The following CDH12 variants were observed in gnomAD, a reference collection of about 807,000 sequenced individuals.
CDH12 encodes cadherin 12, also known as cadherin-12.
A neutral mutation model predicts 74.1 loss-of-function variants in CDH12; 41 were observed. That is an observed-to-expected ratio of 0.55 (90% CI 0.43 to 0.72). The LOEUF (loss-of-function observed/expected upper bound fraction) is 0.72, where lower values mean the gene tolerates loss of function less well. Among genes scored for constraint, CDH12 ranks in the 30% least tolerant of loss-of-function variants. The pLI is 0.00. For missense variants in CDH12, 945 were observed against 977.2 expected (o/e 0.97, Z 0.44); for synonymous variants, 399 against 355.0 (o/e 1.12, Z -1.39).
chr5:22,734,813 A>G (rs539024451), intron 1 of CDH12, among the ~76,000 whole-genome samples: 67 of 152,080 alleles, frequency 4.4e-4, no homozygotes, highest in Middle Eastern at 3.4e-3. Flanking sequence ...CCTAAAATAT[A>G]AAATGGAAAT....
At chr5:22,518,390 C>G (rs1251832103) in intron 1 of CDH12, among the ~76,000 whole-genome samples, 1 of 152,158 alleles carries the variant, frequency 6.6e-6, no homozygotes, top group Admixed American at 6.5e-5. Flanking sequence ...TTCTCTAATG[C>G]CATTTATATA....
Position 22,423,206 on chromosome 5 carries a change from T to TAAA in CDH12, c.-427-17858_-427-17856dup, listed in dbSNP as rs58915238. Among the ~76,000 whole-genome samples the TAAA allele has an allele frequency of 3.3e-3, 396 of 121,410 alleles. 3 individuals are homozygous for TAAA. The highest frequency in any genetic ancestry group is 0.011 in the Middle Eastern group (2 of 176). 79.6% of individuals were successfully genotyped at this position (121,410 alleles called of 152,430 possible). A position where few individuals can be genotyped will look rare whatever the true frequency, so the allele number is the denominator to read the frequency against. Reference sequence around the variant, plus strand: ...ATCATCAGTACAAATGTAAACACAGTAAAAAAAAAAAAAAAAAGCAAATAA... The same window carrying TAAA: ...ATCATCAGTACAAATGTAAACACAGTAAAAAAAAAAAAAAAAAAAAGCAAATAA... On this transcript the variant is annotated intron_variant, in intron 2 of 14. Transcript: ENST00000382254.
At chr5:22,009,939 C>CAAAAAAAAAAA (rs774589642) in intron 5 of CDH12, among the ~76,000 whole-genome samples, 30 of 54,270 alleles carry the variant, frequency 5.5e-4, no homozygotes, top group African/African-American at 7.3e-4. Context: ...GAAACTGTCT[C>CAAAAAAAAAAA]AAAAAAAAAA....
intron 8 of CDH12, among the ~76,000 whole-genome samples, chr5:21,832,918 TAA>T (rs1330814311): frequency 3.5e-5 from 2 of 57,078 alleles, no homozygotes; most frequent in African/African-American, 3.8e-4. Context: ...GATATAATAT[TAA>T]TATATATCAT....
intron 5 of CDH12, among the ~76,000 whole-genome samples, chr5:22,029,283 G>A (rs1326062337): frequency 6.6e-6 from 1 of 152,198 alleles, no homozygotes; most frequent in South Asian, 2.1e-4. Context: ...AAACTAAAGA[G>A]CGTCTGCACA....
intron 5 of CDH12, among the ~76,000 whole-genome samples, chr5:22,059,299 T>TATC (rs1404621456): frequency 1.7e-3 from 243 of 142,924 alleles, no homozygotes; most frequent in South Asian, 6.9e-3. Context: ...ATCTATCATC[T>TATC]ATCTATCTAT....
chr5:22,513,566 G>A (rs1283024865), intron 1 of CDH12, among the ~76,000 whole-genome samples: 4 of 152,226 alleles, frequency 2.6e-5, no homozygotes, highest in Non-Finnish European at 5.9e-5. Flanking sequence ...ATGTATTTTA[G>A]ACTTGGTTTG....
At chr5:22,835,160 A>G (rs1415555041) in intron 1 of CDH12, among the ~76,000 whole-genome samples, 1 of 152,136 alleles carries the variant, frequency 6.6e-6, no homozygotes. Context: ...AATACTAGAT[A>G]TGAACCTATT....
intron 5 of CDH12, among the ~76,000 whole-genome samples, chr5:22,055,201 C>G (rs928985575): frequency 6.6e-6 from 1 of 152,136 alleles, no homozygotes; most frequent in African/African-American, 2.4e-5. Context: ...TGGGTTGTTG[C>G]AGTCAGCACT....
intron 3 of CDH12, among the ~76,000 whole-genome samples, chr5:22,324,828 T>C (rs1156503868): frequency 6.6e-6 from 1 of 152,158 alleles, no homozygotes; most frequent in African/African-American, 2.4e-5. Context: ...AACTGAGGTT[T>C]CCATCACGCT....
In CDH12 at chr5:22,643,881, A is replaced by C. The variant is rs140535044; in HGVS notation, c.-522-138517T>G. 8.0e-3 allele frequency among the ~76,000 whole-genome samples: 1,214 copies of C among 151,834 alleles called. 12 individuals are homozygous for C. Among genetic ancestry groups the C allele is most frequent in the African/African-American group, 0.026 (1,057 of 41,408 alleles). ...TTTGGTAATTCTCATAATGTTTCAA[A>C]CATTTTCACTATGATATTATCTATT... On this transcript the variant is annotated intron_variant, in intron 1 of 14. Transcript: ENST00000382254.
At chr5:22,036,424 C>A (rs1739193084) in intron 5 of CDH12, among the ~76,000 whole-genome samples, 1 of 152,024 alleles carries the variant, frequency 6.6e-6, no homozygotes, top group Non-Finnish European at 1.5e-5. Context: ...ATTGTCAAAA[C>A]TAGGAAATGG....
At chr5:21,784,347 C>T (rs761016751) in intron 10 of CDH12, among the ~76,000 whole-genome samples, 15 of 151,880 alleles carry the variant, frequency 9.9e-5, no homozygotes, top group Admixed American at 3.3e-4. Context: ...ATTTGATAGA[C>T]GTTATTCTCA....
intron 5 of CDH12, among the ~76,000 whole-genome samples, chr5:22,010,542 G>C (rs1737237950): frequency 1.3e-5 from 2 of 152,230 alleles, no homozygotes; most frequent in South Asian, 4.1e-4. Flanking sequence ...TTATATCTTA[G>C]CTAATCTCTT....
rs563813028 is a variant in CDH12 at position 21,852,081 on chromosome 5, A to C, written c.646+2590T>G. ...GAACAAATGGAGACTATTTCTGAGA[A>C]ATTGCAATTATCCTTGATTTTTGAT... is the stretch of plus-strand genomic sequence containing the variant. On this transcript the variant is annotated intron_variant, in intron 7 of 14. Coordinates refer to ENST00000382254, the MANE Select transcript of CDH12 (RefSeq NM_004061.5). Among the ~76,000 whole-genome samples, 5 of 151,524 alleles carry C rather than the reference A, an allele frequency of 3.3e-5. No individual in the cohort carries two copies. In the South Asian group the frequency reaches 8.3e-4, roughly 25 times the overall value.
intron 3 of CDH12, among the ~76,000 whole-genome samples, chr5:22,256,267 A>G (rs1753313854): frequency 6.6e-6 from 1 of 152,158 alleles, no homozygotes; most frequent in Non-Finnish European, 1.5e-5. Context: ...TGTTCTGGTC[A>G]ATGACAGCAT....
chr5:22,244,590 A>G (rs552051243), intron 3 of CDH12, among the ~76,000 whole-genome samples: 96 of 132,530 alleles, frequency 7.2e-4, no homozygotes, highest in Middle Eastern at 3.7e-3. Flanking sequence ...AGAGAAAGAA[A>G]GGAAAGACAG....
intron 1 of CDH12, among the ~76,000 whole-genome samples, chr5:22,789,372 G>T (rs1029058779): frequency 6.6e-6 from 1 of 151,884 alleles, no homozygotes; most frequent in Non-Finnish European, 1.5e-5. Flanking sequence ...GTAATATAGA[G>T]TATGATATAA....
At chr5:22,643,760 TC>T (rs70959748) in intron 1 of CDH12, among the ~76,000 whole-genome samples, 10,592 of 116,658 alleles carry the variant, frequency 0.091, 2,396 homozygotes, top group Admixed American at 0.21. Flanking sequence ...TTTTTTTTTT[TC>T]CACAAATTGA....
Sources: gnomAD v4.1 joint callset for allele counts (sites outside exome capture counted in the v4.1 genomes callset) on GRCh38, gnomAD v4.1.1 for gene constraint, MANE v1.5 for transcripts, NCBI Gene and HGNC (gene_info 2026-07-23, HGNC 2026-07-21) for gene names.